The following SGCZ variants were observed in gnomAD, a reference collection of about 807,000 sequenced individuals.
SGCZ encodes zeta-sarcoglycan.
A neutral mutation model predicts 41.3 loss-of-function variants in SGCZ; 40 were observed. The ratio of observed to expected loss-of-function variants is 0.97; its 90% CI spans 0.75 to 1.26. SGCZ has a LOEUF of 1.26. Among genes scored for constraint, SGCZ ranks in the 50% most tolerant of loss-of-function variants. SGCZ has a pLI of 0.00. For synonymous variants in SGCZ, 206 were observed against 137.5 expected (o/e 1.50, Z -3.49); for missense variants, 552 against 369.8 (o/e 1.49, Z -4.04).
chr8:14,946,641 A>T (rs1049255244), intron 1 of SGCZ, among the ~76,000 whole-genome samples: 1 of 150,882 alleles, frequency 6.6e-6, no homozygotes, highest in East Asian at 2.0e-4. Flanking sequence ...GCACTGCTTC[A>T]TACTCAAACC....
At chr8:14,091,123 C>A (rs560084337) in intron 7 of SGCZ, among the ~76,000 whole-genome samples, 1 of 151,764 alleles carries the variant, frequency 6.6e-6, no homozygotes, top group South Asian at 2.1e-4. Flanking sequence ...TGCTGAGAAT[C>A]ATGGTTTCCA....
At chr8:14,620,339 G>A (rs182869496) in intron 1 of SGCZ, among the ~76,000 whole-genome samples, 2,770 of 152,210 alleles carry the variant, frequency 0.018, 47 homozygotes, top group African/African-American at 0.043. Context: ...AAAAACCCTA[G>A]AAGAAAACCT....
intron 7 of SGCZ, among the ~76,000 whole-genome samples, chr8:14,093,495 T>G (rs1400689037): frequency 6.6e-6 from 1 of 152,074 alleles, no homozygotes; most frequent in African/African-American, 2.4e-5. Context: ...GTTCTTGCAT[T>G]TTCTCAAAAA....
chr8:14,991,760 C>T (rs1322402425), intron 1 of SGCZ, among the ~76,000 whole-genome samples: 1 of 151,450 alleles, frequency 6.6e-6, no homozygotes, highest in African/African-American at 2.4e-5. Flanking sequence ...CCTCCTCATC[C>T]AATCTACTCC....
At chr8:14,462,452 G>C (rs1272334110) in intron 2 of SGCZ, among the ~76,000 whole-genome samples, 4 of 151,882 alleles carry the variant, frequency 2.6e-5, no homozygotes, top group African/African-American at 9.7e-5. Flanking sequence ...GTCTCTATAA[G>C]TCTTTTCATC....
At chr8:15,015,488 A>T (rs1251662553) in intron 1 of SGCZ, among the ~76,000 whole-genome samples, 1 of 151,958 alleles carries the variant, frequency 6.6e-6, no homozygotes, top group African/African-American at 2.4e-5. Context: ...TCACGAGGTC[A>T]GCAGATGCAG....
At chr8:14,685,827 C>A (rs1244483154) in intron 1 of SGCZ, among the ~76,000 whole-genome samples, 2 of 152,072 alleles carry the variant, frequency 1.3e-5, no homozygotes, top group Non-Finnish European at 2.9e-5. Flanking sequence ...ACAATTCTGT[C>A]AATAAATGTT....
At chr8:14,385,768 T>G (rs1217761502) in intron 2 of SGCZ, among the ~76,000 whole-genome samples, 2 of 152,140 alleles carry the variant, frequency 1.3e-5, no homozygotes, top group African/African-American at 4.8e-5. Flanking sequence ...CCAGGAAGAA[T>G]GTTAAGGAAA....
rs893068305 is a variant in SGCZ, at chr8:14,086,452, G to A, written c.*3991C>T. ...GAGGCATTCTCTGATTGAGTCATTC[G>A]ATAGAATATGTAGGAATTTTGAATG... On this transcript the variant is annotated 3_prime_UTR_variant, in exon 8 of 8. Coordinates refer to ENST00000382080, the MANE Select transcript of SGCZ (RefSeq NM_139167.4). Among the ~76,000 whole-genome samples, 1 of 151,574 alleles carries A rather than the reference G, an allele frequency of 6.6e-6. No individual in the cohort carries two copies. The highest frequency in any genetic ancestry group is 2.4e-5 in the African/African-American group (1 of 41,350).
chr8:14,314,186 C>G (rs1440156724), intron 3 of SGCZ, among the ~76,000 whole-genome samples: 1 of 151,936 alleles, frequency 6.6e-6, no homozygotes, highest in Non-Finnish European at 1.5e-5. Flanking sequence ...TTTTTAAGTC[C>G]AAAGAATGTC....
At chr8:14,644,865 C>T (rs1261663562) in intron 1 of SGCZ, among the ~76,000 whole-genome samples, 1 of 151,076 alleles carries the variant, frequency 6.6e-6, no homozygotes, top group Non-Finnish European at 1.5e-5. Flanking sequence ...ATTTTGATGA[C>T]GAAGACCAGA....
chr8:14,604,282 T>A (rs771637654), intron 1 of SGCZ, among the ~76,000 whole-genome samples: 1 of 152,212 alleles, frequency 6.6e-6, no homozygotes, highest in South Asian at 2.1e-4. Flanking sequence ...CAATTGATCG[T>A]CAGTAACTGC....
In SGCZ at chr8:14,907,014, C is replaced by T. The variant is rs1343602207; in HGVS notation, c.39+330571G>A. On this transcript the variant is annotated intron_variant, in intron 1 of 7. Transcript: ENST00000382080. Reference sequence around the variant, plus strand: ...ACCTTAAATCATATCCCATAAACAACTCAAAATGTTACCATAAAACTTTTA... The same window carrying T: ...ACCTTAAATCATATCCCATAAACAATTCAAAATGTTACCATAAAACTTTTA... Among the ~76,000 whole-genome samples the T allele has an allele frequency of 3.3e-5, 5 of 152,144 alleles. No homozygotes were observed. The East Asian group carries it at 9.6e-4, about 29-fold the overall frequency.
chr8:14,857,738 T>G (rs1369891906), intron 1 of SGCZ, among the ~76,000 whole-genome samples: 1 of 152,016 alleles, frequency 6.6e-6, no homozygotes, highest in East Asian at 1.9e-4. Flanking sequence ...TGGTGGCAAG[T>G]GCCTGTAATC....
At chr8:14,895,734 G>A (rs1805171939) in intron 1 of SGCZ, among the ~76,000 whole-genome samples, 1 of 152,174 alleles carries the variant, frequency 6.6e-6, no homozygotes, top group Non-Finnish European at 1.5e-5. Context: ...TGTGTGATAA[G>A]TCTCGAAAAG....
intron 4 of SGCZ, among the ~76,000 whole-genome samples, chr8:14,202,022 T>C (rs1233477845): frequency 6.6e-6 from 1 of 152,186 alleles, no homozygotes; most frequent in Non-Finnish European, 1.5e-5. Flanking sequence ...CACCTCCTAA[T>C]CTTCAGCATT....
At chr8:14,765,557 G>C (rs1337641598) in intron 1 of SGCZ, among the ~76,000 whole-genome samples, 1 of 152,082 alleles carries the variant, frequency 6.6e-6, no homozygotes, top group East Asian at 1.9e-4. Context: ...AGAATGGATA[G>C]GCAGATAAGC....
intron 1 of SGCZ, among the ~76,000 whole-genome samples, chr8:14,680,264 T>C (rs910450351): frequency 6.6e-6 from 1 of 152,142 alleles, no homozygotes. Context: ...TGTATGATGC[T>C]ATAATGGTGT....
chr8:14,370,055 C>A (rs1275731744), intron 2 of SGCZ, among the ~76,000 whole-genome samples: 2 of 151,920 alleles, frequency 1.3e-5, no homozygotes, highest in Non-Finnish European at 2.9e-5. Context: ...GATCTACTTA[C>A]TTCTGATTCT....
Sources: allele counts gnomAD v4.1 joint callset (sites outside exome capture counted in the v4.1 genomes callset), GRCh38; gene constraint gnomAD v4.1.1; transcripts MANE v1.5; gene names NCBI Gene and HGNC (gene_info 2026-07-23, HGNC 2026-07-21).